FGF12: variants seen among roughly 807,000 people sequenced by gnomAD.
FGF12 encodes the protein fibroblast growth factor 12.
FGF12 carries 14 observed loss-of-function variants against 23.6 expected under a neutral mutation model. That is an observed-to-expected ratio of 0.59 (90% CI 0.39 to 0.93). FGF12 has a LOEUF of 0.93. Ranked by LOEUF, FGF12 falls within the 40% of genes least tolerant of loss-of-function variation. The pLI, the probability that FGF12 is intolerant of heterozygous loss-of-function variation, is 0.00. For missense variants in FGF12, 175 were observed against 217.8 expected (o/e 0.80, Z 1.24); for synonymous variants, 62 against 77.3 (o/e 0.80, Z 1.04).
intron 2 of FGF12, among the ~76,000 whole-genome samples, chr3:192,442,808 CT>C (rs764710938): frequency 0.027 from 3,743 of 139,668 alleles, 102 homozygotes; most frequent in Middle Eastern, 0.05. Flanking sequence ...TGTATTCTAT[CT>C]TTTTTTTTTT....
intron 2 of FGF12, among the ~76,000 whole-genome samples, chr3:192,674,500 G>T (rs746961997): frequency 6.6e-6 from 1 of 152,126 alleles, no homozygotes; most frequent in East Asian, 1.9e-4. Context: ...ATTAAAGGAC[G>T]GTTTCGAACT....
chr3:192,727,481 T>TTC lies in FGF12; in HGVS notation c.-131+2_-131+3insGA. 1.5e-6 allele frequency: 1 copy of TTC among 673,028 alleles called. No homozygotes were observed. Among genetic ancestry groups the TTC allele is most frequent in the Non-Finnish European group, 2.4e-6 (1 of 425,310 alleles). The allele number at this position is 673,028 out of a possible 1,614,324, so 41.7% of individuals were successfully genotyped here. ...GCTCAGATTTTTTTTTTTTTTTTTT[T>TTC]ACCTGGGTCTGGAAGCTGCAGGCAG... On this transcript the variant is annotated splice_region_variant and intron_variant, in intron 1 of 5. Coordinates refer to ENST00000445105, the MANE Select transcript of FGF12 (RefSeq NM_004113.6).
intron 4 of FGF12, among the ~76,000 whole-genome samples, chr3:192,191,747 A>T (rs1274421313): frequency 6.6e-6 from 1 of 152,004 alleles, no homozygotes; most frequent in Non-Finnish European, 1.5e-5. Context: ...GAGGCAGGAG[A>T]ATGGCACGAA....
At chr3:192,601,696 G>T (rs1242804677) in intron 2 of FGF12, among the ~76,000 whole-genome samples, 1 of 152,094 alleles carries the variant, frequency 6.6e-6, no homozygotes, top group Non-Finnish European at 1.5e-5. Flanking sequence ...ATTCCTGGGG[G>T]ACTGGTTCCA....
chr3:192,249,136 T>A (rs1711834016), intron 4 of FGF12, among the ~76,000 whole-genome samples: 1 of 152,162 alleles, frequency 6.6e-6, no homozygotes, highest in Non-Finnish European at 1.5e-5. Context: ...ATAATATTAA[T>A]CACAAGTTTT....
At chr3:192,703,721 G>A (rs112761958) in intron 2 of FGF12, among the ~76,000 whole-genome samples, 1 of 152,296 alleles carries the variant, frequency 6.6e-6, no homozygotes, top group African/African-American at 2.4e-5. Context: ...CATGTCAAGG[G>A]AGAAACCTAG....
intron 2 of FGF12, among the ~76,000 whole-genome samples, chr3:192,691,766 TAAC>T (rs1717949958): frequency 6.6e-6 from 1 of 151,296 alleles, no homozygotes; most frequent in Non-Finnish European, 1.5e-5. Flanking sequence ...AAAATAAAAT[TAAC>T]AAACTTTTAG....
intron 5 of FGF12, among the ~76,000 whole-genome samples, chr3:192,161,268 G>T (rs1714856501): frequency 6.6e-6 from 1 of 152,058 alleles, no homozygotes; most frequent in African/African-American, 2.4e-5. Context: ...AGGAGATGGG[G>T]CCTAGCAATC....
chr3:192,380,397 A>T (rs1277013961), intron 2 of FGF12, among the ~76,000 whole-genome samples: 1 of 152,204 alleles, frequency 6.6e-6, no homozygotes, highest in East Asian at 1.9e-4. Context: ...GCTTATTTCA[A>T]AGCTTGAAAC....
intron 2 of FGF12, among the ~76,000 whole-genome samples, chr3:192,642,839 T>C (rs896256403): frequency 1.3e-5 from 2 of 152,362 alleles, no homozygotes; most frequent in African/African-American, 4.8e-5. Flanking sequence ...TCACTGCTCT[T>C]TGACGCCGTG....
intron 4 of FGF12, among the ~76,000 whole-genome samples, chr3:192,283,588 G>A (rs891506248): frequency 6.6e-6 from 1 of 152,026 alleles, no homozygotes; most frequent in African/African-American, 2.4e-5. Flanking sequence ...GGTTGGGAGA[G>A]AATATCATTT....
chr3:192,521,526 A>T (rs1724812660), intron 2 of FGF12: 1 of 152,252 alleles, frequency 6.6e-6, no homozygotes, highest in South Asian at 2.1e-4. Flanking sequence ...TGTCAAGGAA[A>T]AAAAGCAATT....
At chr3:192,481,418 G>T (rs1242746819) in intron 2 of FGF12, among the ~76,000 whole-genome samples, 2 of 152,048 alleles carry the variant, frequency 1.3e-5, no homozygotes, top group East Asian at 3.9e-4. Context: ...CTTTTGATAG[G>T]ATTTACCAGT....
intron 2 of FGF12, among the ~76,000 whole-genome samples, chr3:192,611,357 C>T (rs1560168804): frequency 6.6e-6 from 1 of 151,954 alleles, no homozygotes; most frequent in Non-Finnish European, 1.5e-5. Context: ...AGGCTGTTAT[C>T]AGGGATTGTC....
intron 2 of FGF12, among the ~76,000 whole-genome samples, chr3:192,717,998 T>C (rs1325226396): frequency 1.3e-5 from 2 of 152,098 alleles, no homozygotes; most frequent in Admixed American, 6.5e-5. Context: ...GAAGACATAG[T>C]TATTGGTTTT....
chr3:192,268,139 C>T (rs1421143370), intron 4 of FGF12, among the ~76,000 whole-genome samples: 2 of 152,104 alleles, frequency 1.3e-5, no homozygotes, highest in African/African-American at 2.4e-5. Flanking sequence ...ATTTCCTATG[C>T]CAGATGTAGC....
intron 4 of FGF12, among the ~76,000 whole-genome samples, chr3:192,195,458 A>C (rs988645238): frequency 1.3e-5 from 2 of 152,160 alleles, no homozygotes; most frequent in Non-Finnish European, 2.9e-5. Context: ...TACCTTTTCT[A>C]TGTTTAGATA....
chr3:192,263,223 C>A (rs1194990587), intron 4 of FGF12, among the ~76,000 whole-genome samples: 1 of 152,022 alleles, frequency 6.6e-6, no homozygotes, highest in Non-Finnish European at 1.5e-5. Context: ...AGTATGACAT[C>A]ATTTCGAGTA....
At chr3:192,326,771 T>C (rs932266021) in intron 4 of FGF12, among the ~76,000 whole-genome samples, 1 of 152,178 alleles carries the variant, frequency 6.6e-6, no homozygotes, top group African/African-American at 2.4e-5. Flanking sequence ...CAACAGCAAA[T>C]AGGAGAAGCA....
Sources: allele counts gnomAD v4.1 joint callset (sites outside exome capture counted in the v4.1 genomes callset), GRCh38; gene constraint gnomAD v4.1.1; transcripts MANE v1.5; gene names NCBI Gene and HGNC (gene_info 2026-07-23, HGNC 2026-07-21).